USP39: variants seen among roughly 807,000 people sequenced by gnomAD.
USP39 encodes ubiquitin specific peptidase 39.
In USP39, 38 loss-of-function variants were observed where a neutral mutation model predicts 66.4. The ratio of observed to expected loss-of-function variants is 0.57; its 90% CI spans 0.44 to 0.75. The LOEUF is 0.75. Ranked by LOEUF, USP39 falls within the 30% of genes least tolerant of loss-of-function variation. USP39 has a pLI of 0.00. For synonymous variants in USP39, 303 were observed against 274.6 expected (o/e 1.10, Z -1.02); for missense variants, 608 against 714.4 (o/e 0.85, Z 1.70).
At position 85,618,486 on chromosome 2, in the gene USP39, C is replaced by T. The variant is rs61670084; in HGVS notation, c.269-734C>T. Among the ~76,000 whole-genome samples, 194 of 146,484 alleles carry T rather than the reference C, an allele frequency of 1.3e-3. 2 individuals carry two copies. Among genetic ancestry groups the T allele is most frequent in the African/African-American group, 4.6e-3 (185 of 40,138 alleles). On this transcript the variant is annotated intron_variant, in intron 1 of 12. Coordinates refer to ENST00000323701, the MANE Select transcript of USP39 (RefSeq NM_006590.4). ...CTGAGGCAGGAGAATTGCTTGAATC[C>T]GGGAGGCGGAGGTTGCTGTGAGCTG...
Position 85,630,914 on chromosome 2 carries a change from G to T in USP39, c.917G>T (p.Cys306Phe), listed in dbSNP as rs749417185. The change falls in exon 6 of 13, where the codon TGC (cysteine) becomes TTC (phenylalanine). Residue 306 changes from cysteine to phenylalanine, a missense_variant. This residue lies in a region of USP39 where 72 missense variants were observed against 60.1 expected (regional missense o/e 1.20). Transcript: ENST00000323701. ...PHEMLQAVVL[C>F]SKKTFQITKQ... ...GAGATGCTTCAGGCAGTTGTACTTT[G>T]CAGTAAGAAGACTTTTCAGATCACC... 1.2e-6 allele frequency: 2 copies of T among 1,614,164 alleles called. No individual in the cohort carries two copies. The highest frequency in any genetic ancestry group is 1.7e-6 in the Non-Finnish European group (2 of 1,180,044).
At chr2:85,627,309 C>T (rs1477585110) in intron 5 of USP39, among the ~76,000 whole-genome samples, 7 of 152,026 alleles carry the variant, frequency 4.6e-5, no homozygotes, top group Non-Finnish European at 1.5e-5. Flanking sequence ...GTTGGCCAGG[C>T]TGGTCTTGAA....
At chr2:85,608,195 C>G (rs981489762), upstream of USP39, 1 of 152,188 alleles carries the variant, frequency 6.6e-6, no homozygotes, top group African/African-American at 2.4e-5. Flanking sequence ...TTCAGTTTAG[C>G]ACCAACATCT....
At chr2:85,642,867 AG>A (rs1676345177) in intron 10 of USP39, among the ~76,000 whole-genome samples, 2 of 152,230 alleles carry the variant, frequency 1.3e-5, no homozygotes, top group South Asian at 4.1e-4. Flanking sequence ...TTTTGAGGGC[AG>A]GTTTAAAGTT....
chr2:85,611,863 A>AGGGCG, upstream of USP39: 7 of 1,597,848 alleles, frequency 4.4e-6, no homozygotes, highest in Non-Finnish European at 5.9e-6. Flanking sequence ...GCGGCGGCGC[A>AGGGCG]GGGCGGGGCG....
chr2:85,631,044 T>G (rs1675287575), intron 6 of USP39, 98 bp downstream of exon 6: 1 of 1,087,492 alleles, frequency 9.2e-7, no homozygotes, highest in African/African-American at 1.6e-5. Flanking sequence ...AGATGGAGTC[T>G]CACTCTGTCA....
chr2:85,638,755 T>C (rs1675996414), intron 8 of USP39, among the ~76,000 whole-genome samples: 1 of 151,944 alleles, frequency 6.6e-6, no homozygotes, highest in South Asian at 2.1e-4. Context: ...CACGTTGGTC[T>C]TGGACTCCTG....
chr2:85,644,996 C>G lies in USP39; in HGVS notation c.1476C>G (p.His492Gln). 6.2e-7 allele frequency: 1 copy of G among 1,614,174 alleles called. No homozygotes were observed. Among genetic ancestry groups the G allele is most frequent in the East Asian group, 2.2e-5 (1 of 44,880 alleles). ...TGTCTGAAGAAGTACAAGCAGTACA[C>G]AAGAATACCACCTATGACCTCATTG... The part of the protein sequence containing the change: ...EYLSEEVQAV[H>Q]KNTTYDLIAN... Residue 492 changes from histidine (H) to glutamine (Q), a missense_variant, in exon 11 of 13, where the codon CAC becomes CAG. Physicochemically the swap from His to Gln is conservative, Grantham distance 24. This residue lies in a region of USP39 where 164 missense variants were observed against 250.3 expected (regional missense o/e 0.66). Coordinates refer to ENST00000323701, the MANE Select transcript of USP39 (RefSeq NM_006590.4).
upstream of USP39, chr2:85,612,046 C>T: frequency 1.6e-6 from 2 of 1,242,052 alleles, no homozygotes; most frequent in Non-Finnish European, 2.2e-6. Context: ...CACCCGCCCA[C>T]AGAGCTCCGC....
chr2:85,623,296 C>T (rs1019978362), intron 3 of USP39, among the ~76,000 whole-genome samples: 11 of 151,120 alleles, frequency 7.3e-5, no homozygotes, highest in Admixed American at 2.6e-4. Context: ...ATAGATATTT[C>T]TAGTTTCATG....
At chr2:85,642,298 G>T (rs906981938) in intron 10 of USP39, among the ~76,000 whole-genome samples, 3 of 152,216 alleles carry the variant, frequency 2.0e-5, no homozygotes, top group Non-Finnish European at 2.9e-5. Flanking sequence ...GGACATGGAG[G>T]TTTGTTCTCT....
intron 2 of USP39, among the ~76,000 whole-genome samples, chr2:85,619,782 C>T (rs1447864129): frequency 1.3e-5 from 2 of 151,948 alleles, no homozygotes; most frequent in Non-Finnish European, 2.9e-5. Context: ...CTTTACTCAG[C>T]CCTTTGGCAG....
intron 5 of USP39, 85 bp downstream of exon 5, chr2:85,625,776 T>A: frequency 6.5e-7 from 1 of 1,528,502 alleles, no homozygotes; most frequent in Non-Finnish European, 8.9e-7. Flanking sequence ...CCCAGCACTT[T>A]GGGAGGCCAA....
chr2:85,635,919 G>T, intron 6 of USP39, 134 bp from the exon 7 acceptor site: 1 of 783,246 alleles, frequency 1.3e-6, no homozygotes, highest in South Asian at 1.5e-5. Context: ...GATAGAGGAG[G>T]ATGCACGGCA....
At chr2:85,611,985 C>T (rs747515268), upstream of USP39, 11 of 1,531,386 alleles carry the variant, frequency 7.2e-6, no homozygotes, top group African/African-American at 1.3e-4. Flanking sequence ...CCGCCTCCAT[C>T]AGGAGCCGGG....
At chr2:85,611,684 G>A (rs776044013), upstream of USP39, 20 of 1,570,984 alleles carry the variant, frequency 1.3e-5, no homozygotes, top group African/African-American at 1.4e-5. Context: ...GTCGCGGCAG[G>A]TACACCTGCA....
chr2:85,639,454 C>CTTTTTT, intron 9 of USP39, 63 bp downstream of exon 9: 5 of 1,177,694 alleles, frequency 4.2e-6, no homozygotes, highest in South Asian at 1.7e-5. Context: ...TTTTCATTTT[C>CTTTTTT]TTTTTTTTTT....
At chr2:85,626,971 A>G (rs1674916030) in intron 5 of USP39, among the ~76,000 whole-genome samples, 1 of 150,652 alleles carries the variant, frequency 6.6e-6, no homozygotes, top group South Asian at 2.1e-4. Flanking sequence ...CTGGTCTTGA[A>G]CTCCTGACCT....
chr2:85,610,013 GTTTTTT>G (rs552989319), upstream of USP39, among the ~76,000 whole-genome samples: 1 of 125,142 alleles, frequency 8.0e-6, no homozygotes, highest in African/African-American at 3.3e-5. Flanking sequence ...AGTGTAAGTG[GTTTTTT>G]TTTTTTTTTT....
Sources: allele counts gnomAD v4.1 joint callset (sites outside exome capture counted in the v4.1 genomes callset), GRCh38; gene constraint gnomAD v4.1.1; regional missense constraint gnomAD v4.1.1; transcripts MANE v1.5; gene names NCBI Gene and HGNC (gene_info 2026-07-23, HGNC 2026-07-21).